SIL1: variants seen among roughly 807,000 people sequenced by gnomAD.
SIL1 encodes nucleotide exchange factor SIL1.
A neutral mutation model predicts 49.1 loss-of-function variants in SIL1; 40 were observed. The observed-to-expected ratio is 0.81, with a 90% confidence interval of 0.63 to 1.06. The LOEUF is 1.06. SIL1 is among the 50% of genes least tolerant of loss of function. The pLI, the probability that SIL1 is intolerant of heterozygous loss-of-function variation, is 0.00. For missense variants in SIL1, 500 were observed against 572.6 expected, an observed-to-expected ratio of 0.87 and a Z score of 1.29; for synonymous variants, 253 against 250.8, an observed-to-expected ratio of 1.01 and a Z score of -0.08.
In SIL1 at chr5:139,054,366, T is replaced by C. The variant is rs1038467146; in HGVS notation, c.245-3320A>G. ...TCAAGGCAGCAATGGGCTATGATCATGCCACTGCACTCTAGCCTGGGCAAC... is the reference window on the plus strand; with the variant it reads ...TCAAGGCAGCAATGGGCTATGATCACGCCACTGCACTCTAGCCTGGGCAAC... On this transcript the variant is annotated intron_variant, in intron 3 of 9. Transcript: ENST00000394817. 5.3e-5 allele frequency among the ~76,000 whole-genome samples: 8 copies of C among 152,308 alleles called. No homozygotes were observed. In the East Asian group the frequency reaches 5.8e-4, roughly 11 times the overall value.
rs1295343875 is a variant in SIL1 at position 138,948,702 on chromosome 5, C to G, written c.1030-1229G>C. Among the ~76,000 whole-genome samples the G allele has an allele frequency of 6.6e-6, 1 of 152,214 alleles. No individual in the cohort carries two copies. Among genetic ancestry groups the G allele is most frequent in the Non-Finnish European group, 1.5e-5 (1 of 68,044 alleles). On this transcript the variant is annotated intron_variant, in intron 9 of 9. Coordinates refer to ENST00000394817, the MANE Select transcript of SIL1 (RefSeq NM_022464.5). The surrounding 1 kb of genome is among the most constrained non-coding windows in gnomAD (Gnocchi z 4.8). ...CCACTGACCGGCCTCCCCTGACTGG[C>G]CTTCTCTGCTTATATGCTGCTGTGG...
At position 138,996,963 on chromosome 5, in the gene SIL1, T is replaced by C. The variant is rs528399238; in HGVS notation, c.767+24208A>G. Reference sequence around the variant, plus strand: ...AATCTTTTCTTTTGAGACAGTATCTTGCTCTGTCACCACAGCTGGAGTGCA... The same window carrying C: ...AATCTTTTCTTTTGAGACAGTATCTCGCTCTGTCACCACAGCTGGAGTGCA... On this transcript the variant is annotated intron_variant, in intron 7 of 9. Coordinates refer to ENST00000394817, the MANE Select transcript of SIL1 (RefSeq NM_022464.5). Among the ~76,000 whole-genome samples, 4 of 152,358 alleles carry C rather than the reference T, an allele frequency of 2.6e-5. No homozygotes were observed. The East Asian group carries it at 7.7e-4, about 29-fold the overall frequency.
At chr5:139,040,484 CTTTTTTCTTTTTTCTTTT>C (rs1248206758) in intron 5 of SIL1, among the ~76,000 whole-genome samples, 2 of 89,410 alleles carry the variant, frequency 2.2e-5, no homozygotes, top group East Asian at 5.6e-4. Flanking sequence ...AGTATTTTTT[CTTTTTTCTTTTTTCTTTT>C]TTTTTTTTTT....
chr5:139,056,116 C>G (rs1367174122), intron 3 of SIL1, among the ~76,000 whole-genome samples: 1 of 151,554 alleles, frequency 6.6e-6, no homozygotes, highest in South Asian at 2.1e-4. Context: ...TGAGGAGCGT[C>G]TCTGCTTGGC....
intron 3 of SIL1, among the ~76,000 whole-genome samples, chr5:139,112,258 G>C (rs964931214): frequency 6.6e-6 from 1 of 152,190 alleles, no homozygotes; most frequent in Non-Finnish European, 1.5e-5. Context: ...GCCTCTGCCC[G>C]GCCGCCACCC....
intron 1 of SIL1, among the ~76,000 whole-genome samples, chr5:139,142,488 A>G (rs1277145342): frequency 1.3e-5 from 2 of 152,216 alleles, no homozygotes; most frequent in African/African-American, 4.8e-5. Flanking sequence ...GGCTCAACAT[A>G]TGAAATGCAA....
chr5:138,980,516 G>A (rs1184452138), intron 7 of SIL1, among the ~76,000 whole-genome samples: 3 of 152,174 alleles, frequency 2.0e-5, no homozygotes, highest in Admixed American at 2.0e-4. Flanking sequence ...ATCAAGAAAG[G>A]TATTCAAAGG....
At chr5:139,118,407 G>A (rs1047599480) in intron 3 of SIL1, among the ~76,000 whole-genome samples, 5 of 152,182 alleles carry the variant, frequency 3.3e-5, no homozygotes, top group Non-Finnish European at 5.9e-5. Flanking sequence ...TTAGGAAGTA[G>A]GCAGAGGGCT....
chr5:139,084,612 T>C (rs1421952114), intron 3 of SIL1, among the ~76,000 whole-genome samples: 3 of 122,466 alleles, frequency 2.4e-5, no homozygotes, highest in Non-Finnish European at 3.4e-5. Flanking sequence ...GGAAGGGGAA[T>C]ATCACACTCT....
At position 138,977,138 on chromosome 5, in the gene SIL1, A is replaced by C. The variant is rs574417874; in HGVS notation, c.768-25254T>G. On this transcript the variant is annotated intron_variant, in intron 7 of 9. Transcript: ENST00000394817. ...GTCTCAGGACCAGGTGCCATGGCCA[A>C]AGACAGCCCCAGCAATTGAAAATCA... 2.0e-5 allele frequency among the ~76,000 whole-genome samples: 3 copies of C among 152,344 alleles called. No individual in the cohort carries two copies. The East Asian group carries it at 5.8e-4, about 29-fold the overall frequency.
intron 7 of SIL1, among the ~76,000 whole-genome samples, chr5:139,014,457 T>C (rs947019590): frequency 1.3e-5 from 2 of 150,418 alleles, no homozygotes; most frequent in East Asian, 3.9e-4. Context: ...GTGCTGAGAG[T>C]TATGTAAGGA....
At chr5:138,958,980 T>G (rs770579398) in intron 7 of SIL1, among the ~76,000 whole-genome samples, 2 of 152,218 alleles carry the variant, frequency 1.3e-5, no homozygotes, top group Non-Finnish European at 2.9e-5. Context: ...TGGCATCCAT[T>G]TCTATCATTT....
chr5:138,984,320 C>T (rs1394299746), intron 7 of SIL1, among the ~76,000 whole-genome samples: 1 of 150,970 alleles, frequency 6.6e-6, no homozygotes, highest in Non-Finnish European at 1.5e-5. Context: ...CCAACCCTCC[C>T]TCTCTTACGG....
chr5:139,035,853 T>C (rs1412766419), intron 5 of SIL1: 1 of 162,058 alleles, frequency 6.2e-6, no homozygotes, highest in African/African-American at 2.4e-5. Context: ...GGTTTCACCA[T>C]GTTAGCCAGA....
intron 3 of SIL1, among the ~76,000 whole-genome samples, chr5:139,112,647 C>T (rs1323038113): frequency 6.7e-6 from 1 of 148,932 alleles, no homozygotes; most frequent in African/African-American, 2.5e-5. Flanking sequence ...GGCCAGCCCC[C>T]GCCCGGCCAG....
At chr5:139,142,927 C>A (rs1751109254) in intron 1 of SIL1, among the ~76,000 whole-genome samples, 3 of 152,212 alleles carry the variant, frequency 2.0e-5, no homozygotes, top group African/African-American at 7.2e-5. Flanking sequence ...CGCCACCACG[C>A]CTGGCTAATT....
chr5:139,123,937 A>G (rs1388578964), intron 2 of SIL1, among the ~76,000 whole-genome samples: 1 of 152,130 alleles, frequency 6.6e-6, no homozygotes, highest in East Asian at 1.9e-4. Context: ...TTTAGTAGAG[A>G]CAAGGTCTCC....
chr5:139,050,285 C>T (rs571573188), intron 4 of SIL1, among the ~76,000 whole-genome samples: 13 of 152,104 alleles, frequency 8.5e-5, no homozygotes, highest in Non-Finnish European at 1.6e-4. Flanking sequence ...TTTCAGCAAC[C>T]CCTGCAACTC....
intron 5 of SIL1, among the ~76,000 whole-genome samples, chr5:139,031,563 T>C (rs1013614432): frequency 3.9e-4 from 60 of 152,226 alleles, no homozygotes; most frequent in African/African-American, 1.4e-3. Context: ...CTTCCACTTA[T>C]TCTTCTTTTT....
Sources: gnomAD v4.1 joint callset for allele counts (sites outside exome capture counted in the v4.1 genomes callset) on GRCh38, gnomAD v4.1.1 for gene constraint, Gnocchi (gnomAD v3.1) non-coding constraint, MANE v1.5 for transcripts, NCBI Gene and HGNC (gene_info 2026-07-23, HGNC 2026-07-21) for gene names.